The following ARHGAP15 variants were observed in gnomAD, a reference collection of about 807,000 sequenced individuals.
The protein encoded by ARHGAP15 is rho GTPase-activating protein 15.
In ARHGAP15, 51 loss-of-function variants were observed where a neutral mutation model predicts 63.7. The observed-to-expected ratio is 0.80, with a 90% CI of 0.64 to 1.01. The LOEUF (loss-of-function observed/expected upper bound fraction) is 1.01. Among genes scored for constraint, ARHGAP15 ranks in the 50% least tolerant of loss-of-function variants. ARHGAP15 has a pLI of 0.00. For missense variants in ARHGAP15, 560 were observed against 564.6 expected (o/e 0.99, Z 0.08); for synonymous variants, 191 against 193.8 (o/e 0.99, Z 0.12).
intron 5 of ARHGAP15, among the ~76,000 whole-genome samples, chr2:143,248,084 CACAG>C (rs1185064745): frequency 6.6e-6 from 1 of 152,022 alleles, no homozygotes. Context: ...GTGGGGGAAA[CACAG>C]ACAGTCAGCA....
intron 6 of ARHGAP15, among the ~76,000 whole-genome samples, chr2:143,424,556 A>C (rs1020193475): frequency 6.6e-6 from 1 of 151,978 alleles, no homozygotes; most frequent in South Asian, 2.1e-4. Context: ...GAGATGCTGT[A>C]TACTTTCCTT....
At chr2:143,761,806 G>A (rs1486512250) in intron 13 of ARHGAP15, among the ~76,000 whole-genome samples, 1 of 151,982 alleles carries the variant, frequency 6.6e-6, no homozygotes, top group South Asian at 2.1e-4. Flanking sequence ...ATGGATCATT[G>A]TTCTTCCCAT....
At chr2:143,737,742 A>AT (rs1685804366) in intron 13 of ARHGAP15, among the ~76,000 whole-genome samples, 1 of 150,210 alleles carries the variant, frequency 6.7e-6, no homozygotes, top group African/African-American at 2.4e-5. Flanking sequence ...TTATTTATTT[A>AT]TTTATTTATT....
At chr2:143,303,940 A>G (rs188463497) in intron 6 of ARHGAP15, among the ~76,000 whole-genome samples, 162 of 152,300 alleles carry the variant, frequency 1.1e-3, no homozygotes, top group Admixed American at 1.8e-3. Flanking sequence ...TGATCATTAA[A>G]AAGTCAGGAA....
chr2:143,417,004 C>T (rs1320352939), intron 6 of ARHGAP15, among the ~76,000 whole-genome samples: 1 of 152,134 alleles, frequency 6.6e-6, no homozygotes, highest in Non-Finnish European at 1.5e-5. Context: ...AATAGGGATT[C>T]TGCGAAGTCT....
chr2:143,231,694 A>C (rs930910155), intron 5 of ARHGAP15, among the ~76,000 whole-genome samples: 1 of 152,206 alleles, frequency 6.6e-6, no homozygotes, highest in African/African-American at 2.4e-5. Context: ...GGACTGCTAC[A>C]TCAAAGTACC....
At chr2:143,300,779 G>A (rs150069264) in intron 6 of ARHGAP15, among the ~76,000 whole-genome samples, 425 of 152,088 alleles carry the variant, frequency 2.8e-3, no homozygotes, top group African/African-American at 1.0e-2. Context: ...CAAATGCAAG[G>A]CAGGCTGGGA....
At chr2:143,471,436 C>G (rs1691571513) in intron 8 of ARHGAP15, among the ~76,000 whole-genome samples, 1 of 151,542 alleles carries the variant, frequency 6.6e-6, no homozygotes, top group African/African-American at 2.4e-5. Context: ...GAAAGCCTCT[C>G]TAATGGGAGA....
chr2:143,481,140 C>T (rs1328542153), intron 8 of ARHGAP15, among the ~76,000 whole-genome samples: 3 of 151,698 alleles, frequency 2.0e-5, no homozygotes, highest in African/African-American at 7.3e-5. Context: ...CTGAATACTG[C>T]AGAGTGGTAA....
chr2:143,496,358 G>T (rs1036055921), intron 9 of ARHGAP15, among the ~76,000 whole-genome samples: 2 of 152,188 alleles, frequency 1.3e-5, no homozygotes, highest in African/African-American at 4.8e-5. Flanking sequence ...GATATTAAAA[G>T]CAGAATAGCT....
chr2:143,160,663 G>A (rs554828620), intron 2 of ARHGAP15, among the ~76,000 whole-genome samples: 13 of 151,948 alleles, frequency 8.6e-5, no homozygotes, highest in Non-Finnish European at 1.6e-4. Flanking sequence ...TTGCAGACAT[G>A]CTGTAGAACA....
chr2:143,373,629 CAAAAAA>C (rs58153000), intron 6 of ARHGAP15, among the ~76,000 whole-genome samples: 6 of 62,954 alleles, frequency 9.5e-5, no homozygotes, highest in African/African-American at 2.6e-4. Flanking sequence ...GACTCTATCT[CAAAAAA>C]AAAAAAAAAA....
intron 11 of ARHGAP15, among the ~76,000 whole-genome samples, chr2:143,592,606 T>C (rs1317025638): frequency 6.6e-6 from 1 of 152,216 alleles, no homozygotes; most frequent in Non-Finnish European, 1.5e-5. Context: ...TCTCCTTAAG[T>C]TGTTCCTCTG....
At chr2:143,488,291 A>G (rs776188140) in intron 9 of ARHGAP15, among the ~76,000 whole-genome samples, 2 of 152,242 alleles carry the variant, frequency 1.3e-5, no homozygotes, top group South Asian at 2.1e-4. Flanking sequence ...TAAATATTCT[A>G]TGAATGCCCA....
At chr2:143,456,220 T>G (rs55914706) in intron 8 of ARHGAP15, among the ~76,000 whole-genome samples, 3 of 152,000 alleles carry the variant, frequency 2.0e-5, no homozygotes, top group Non-Finnish European at 4.4e-5. Flanking sequence ...ATAGTAAGTT[T>G]TCATTAAATG....
At chr2:143,698,909 T>C (rs1683964504) in intron 12 of ARHGAP15, among the ~76,000 whole-genome samples, 1 of 152,140 alleles carries the variant, frequency 6.6e-6, no homozygotes, top group Admixed American at 6.6e-5. Flanking sequence ...GTTAGTGATA[T>C]CTCAAAGTCT....
chr2:143,501,974 G>A (rs6760183), intron 9 of ARHGAP15, among the ~76,000 whole-genome samples: 28,997 of 152,062 alleles, frequency 0.19, 3,093 homozygotes, highest in South Asian at 0.28. Flanking sequence ...GGTATTGACC[G>A]GGCAGGATGT....
intron 3 of ARHGAP15, among the ~76,000 whole-genome samples, chr2:143,207,091 A>G (rs982926710): frequency 6.5e-4 from 99 of 151,776 alleles, no homozygotes; most frequent in Non-Finnish European, 1.5e-5. Flanking sequence ...TGTATTTTCT[A>G]TGCCACTATA....
intron 11 of ARHGAP15, among the ~76,000 whole-genome samples, chr2:143,580,129 G>C (rs1696836583): frequency 6.6e-6 from 1 of 151,646 alleles, no homozygotes; most frequent in Non-Finnish European, 1.5e-5. Flanking sequence ...AATTGCAGTA[G>C]AAACTCGAAC....
Sources: allele counts gnomAD v4.1 joint callset (sites outside exome capture counted in the v4.1 genomes callset), GRCh38; gene constraint gnomAD v4.1.1; transcripts MANE v1.5; gene names NCBI Gene and HGNC (gene_info 2026-07-23, HGNC 2026-07-21).